CCPG1: variants seen among roughly 807,000 people sequenced by gnomAD.
The protein encoded by CCPG1 is cell cycle progression protein 1.
CCPG1 carries 46 observed loss-of-function variants against 81.3 expected under a neutral mutation model. That is an observed-to-expected ratio of 0.57 (90% CI 0.45 to 0.72). The LOEUF is 0.72. Among genes scored for constraint, CCPG1 ranks in the 30% least tolerant of loss-of-function variants. The probability of loss-of-function intolerance (pLI) is 0.00; values close to 1 mark genes in which losing one functional copy is unlikely to be tolerated. For missense variants in CCPG1, 902 were observed against 937.6 expected (o/e 0.96, Z 0.50); for synonymous variants, 330 against 305.2 (o/e 1.08, Z -0.85).
chr15:55,355,494 G>A lies in CCPG1; in HGVS notation c.*726C>T. 1 of 1,327,940 alleles carries A rather than the reference G, an allele frequency of 7.5e-7. No homozygotes were observed. Among genetic ancestry groups the A allele is most frequent in the Non-Finnish European group, 1.1e-6 (1 of 950,696 alleles). 82.3% of individuals were successfully genotyped at this position (1,327,940 alleles called of 1,614,324 possible). A position where few individuals can be genotyped will look rare whatever the true frequency, so the allele number is the denominator to read the frequency against. ...ATTCAGATGCTGCTTAAATACTTCG[G>A]TAAACACTGGGTAAGATTCATGGAA... On this transcript the variant is annotated 3_prime_UTR_variant, in exon 9 of 9. Coordinates refer to ENST00000442196, the MANE Select transcript of CCPG1 (RefSeq NM_001204450.2).
At chr15:55,372,733 T>C in intron 5 of CCPG1, 1 of 271,924 alleles carries the variant, frequency 3.7e-6, no homozygotes, top group Admixed American at 5.0e-5. Flanking sequence ...ATACTCTCTG[T>C]CTCTTCATTC....
chr15:55,390,440 T>C (rs2056891721), intron 1 of CCPG1, among the ~76,000 whole-genome samples: 1 of 122,710 alleles, frequency 8.1e-6, no homozygotes, highest in South Asian at 3.0e-4. Flanking sequence ...GTAAAGCAAA[T>C]AGTACTCCTA....
At position 55,355,550 on chromosome 15, in the gene CCPG1, CA is replaced by C. The variant is rs1410125396; in HGVS notation, c.*669del. On this transcript the variant is annotated 3_prime_UTR_variant, in exon 9 of 9. Transcript: ENST00000442196. ...AAAAAAGCTGTATGAACTGCTTTACCAAATATCACTACTGAGGAAATGTATA... is the reference window on the plus strand; with the variant it reads ...AAAAAAGCTGTATGAACTGCTTTACCAATATCACTACTGAGGAAATGTATA... 1.4e-6 allele frequency: 1 copy of C among 724,480 alleles called. No individual in the cohort carries two copies. The highest frequency in any genetic ancestry group is 2.3e-6 in the Non-Finnish European group (1 of 438,634). 44.9% of individuals were successfully genotyped at this position (724,480 alleles called of 1,614,324 possible). A position where few individuals can be genotyped will look rare whatever the true frequency, so the allele number is the denominator to read the frequency against.
At chr15:55,405,404 A>G (rs1269699333) in intron 1 of CCPG1, among the ~76,000 whole-genome samples, 2 of 152,050 alleles carry the variant, frequency 1.3e-5, no homozygotes, top group Non-Finnish European at 2.9e-5. Flanking sequence ...TGTCTGTGAC[A>G]TGTGACAGCT....
At chr15:55,381,700 T>A (rs182674579) in intron 3 of CCPG1, among the ~76,000 whole-genome samples, 1,924 of 152,324 alleles carry the variant, frequency 0.013, 17 homozygotes, top group Non-Finnish European at 0.016. Flanking sequence ...GTAATTTTTT[T>A]AAAAAGTTAA....
chr15:55,392,149 T>TA (rs543332391), intron 1 of CCPG1, among the ~76,000 whole-genome samples: 21 of 149,994 alleles, frequency 1.4e-4, no homozygotes, highest in African/African-American at 4.6e-4. Flanking sequence ...GAAAGTTCTT[T>TA]AAAAAAATAA....
At chr15:55,364,655 G>A (rs937196460) in intron 7 of CCPG1, among the ~76,000 whole-genome samples, 1 of 150,760 alleles carries the variant, frequency 6.6e-6, no homozygotes, top group Non-Finnish European at 1.5e-5. Flanking sequence ...TGGGTAGACG[G>A]AGGTCAGGAG....
chr15:55,358,619 C>CT, intron 8 of CCPG1: 1 of 985,388 alleles, frequency 1.0e-6, no homozygotes, highest in Non-Finnish European at 1.2e-6. Flanking sequence ...ACTTTAAAAA[C>CT]TAAGTTCAGT....
chr15:55,395,295 G>GA (rs111778909), intron 1 of CCPG1, among the ~76,000 whole-genome samples: 3,138 of 143,132 alleles, frequency 0.022, 65 homozygotes, highest in Non-Finnish European at 0.036. Context: ...ACAATCAAAG[G>GA]AAAAAAAAAA....
chr15:55,355,567 G>A lies in CCPG1; in HGVS notation c.*653C>T, dbSNP rs1836538309. ...TGCTTTACCAAATATCACTACTGAGGAAATGTATAAAATACCACATAGTAT... is the reference window on the plus strand; with the variant it reads ...TGCTTTACCAAATATCACTACTGAGAAAATGTATAAAATACCACATAGTAT... On this transcript the variant is annotated 3_prime_UTR_variant, in exon 9 of 9. Coordinates refer to ENST00000442196, the MANE Select transcript of CCPG1 (RefSeq NM_001204450.2). The A allele has an allele frequency of 1.6e-6, 1 of 633,788 alleles. No individual in the cohort carries two copies. The highest frequency in any genetic ancestry group is 2.9e-5 in the Admixed American group (1 of 34,084). The allele number at this position is 633,788 out of a possible 1,614,324, so 39.3% of individuals were successfully genotyped here.
intron 1 of CCPG1, among the ~76,000 whole-genome samples, chr15:55,406,436 C>CT (rs143238270): frequency 0.34 from 43,393 of 126,178 alleles, 7,630 homozygotes; most frequent in Non-Finnish European, 0.45. Flanking sequence ...TTCTTTTTCT[C>CT]TTTTTTTTTT....
chr15:55,374,594 G>A (rs1260572174), intron 5 of CCPG1, among the ~76,000 whole-genome samples: 1 of 152,154 alleles, frequency 6.6e-6, no homozygotes, highest in African/African-American at 2.4e-5. Context: ...GCAATGGCTA[G>A]CACAAAATTA....
Position 55,378,350 on chromosome 15 carries a change from T to C in CCPG1, c.202A>G (p.Met68Val), listed in dbSNP as rs1224217215. Reference sequence around the variant, plus strand: ...AAAGCTGGATAAGCAGTTTCTTCCATAAGCACTGTGCCATTTTGGCTGCTT... The same window carrying C: ...AAAGCTGGATAAGCAGTTTCTTCCACAAGCACTGTGCCATTTTGGCTGCTT... ...GESSQNGTVLMEETAYPALEE... is the reference protein window; with the variant it reads ...GESSQNGTVLVEETAYPALEE... Residue 68 changes from methionine (M) to valine (V), a missense_variant, in exon 4 of 9, where the codon ATG becomes GTG. Met to Val is a conservative substitution (Grantham distance 21). Transcript: ENST00000442196. 5 of 1,611,164 alleles carry C rather than the reference T, an allele frequency of 3.1e-6. No homozygotes were observed. The highest frequency in any genetic ancestry group is 2.2e-5 in the East Asian group (1 of 44,786).
chr15:55,377,238 T>C (rs541047880), intron 4 of CCPG1, 88 bp from the exon 5 acceptor site: 13 of 874,152 alleles, frequency 1.5e-5, no homozygotes, highest in Admixed American at 9.9e-5. Context: ...GTAAGTATTA[T>C]AGTCATCTGA....
At chr15:55,396,423 G>T (rs1315390106) in intron 1 of CCPG1, among the ~76,000 whole-genome samples, 1 of 152,140 alleles carries the variant, frequency 6.6e-6, no homozygotes, top group East Asian at 1.9e-4. Flanking sequence ...TCTTTAACTC[G>T]ATCTCTAGTC....
intron 6 of CCPG1, among the ~76,000 whole-genome samples, chr15:55,366,108 AAC>A (rs1387691680): frequency 6.6e-6 from 1 of 152,140 alleles, no homozygotes; most frequent in Non-Finnish European, 1.5e-5. Context: ...TTTGTATTAA[AAC>A]ACACAGGCCA....
intron 1 of CCPG1, among the ~76,000 whole-genome samples, chr15:55,401,329 G>T (rs1271388239): frequency 6.6e-6 from 1 of 152,146 alleles, no homozygotes; most frequent in East Asian, 1.9e-4. Context: ...TGGTACTGAT[G>T]GCTTTCTACA....
chr15:55,403,049 C>G (rs1297941390), intron 1 of CCPG1, among the ~76,000 whole-genome samples: 2 of 152,042 alleles, frequency 1.3e-5, no homozygotes, highest in Non-Finnish European at 2.9e-5. Flanking sequence ...ATCAAACTTC[C>G]CAGTCAAAAA....
intron 1 of CCPG1, among the ~76,000 whole-genome samples, chr15:55,392,343 C>T (rs2056937645): frequency 6.6e-6 from 1 of 151,058 alleles, no homozygotes; most frequent in African/African-American, 2.4e-5. Flanking sequence ...TCCCGAGTAG[C>T]GGGGATTACA....
Sources: gnomAD v4.1 joint callset for allele counts (sites outside exome capture counted in the v4.1 genomes callset) on GRCh38, gnomAD v4.1.1 for gene constraint, MANE v1.5 for transcripts, NCBI Gene and HGNC (gene_info 2026-07-23, HGNC 2026-07-21) for gene names.